SMARCA2: variants seen among roughly 807,000 people sequenced by gnomAD.
SMARCA2 encodes the protein SWI/SNF related BAF chromatin remodeling complex subunit ATPase 2, also known as SWI/SNF-related matrix-associated actin-dependent regulator of chromatin subfamily A member 2.
In SMARCA2, 61 loss-of-function variants were observed where a neutral mutation model predicts 199.8. That is an observed-to-expected ratio of 0.31 (90% confidence interval 0.25 to 0.38). The LOEUF (loss-of-function observed/expected upper bound fraction) is 0.38, where lower values mean the gene tolerates loss of function less well. Ranked by LOEUF, SMARCA2 falls within the 10% of genes least tolerant of loss-of-function variation. SMARCA2 has a pLI of 1.00. For missense variants in SMARCA2, 1,344 were observed against 2,012.2 expected (o/e 0.67, Z 6.35); for synonymous variants, 935 against 732.0 (o/e 1.28, Z -4.48).
At chr9:2,098,234 G>T (rs1822357667) in intron 21 of SMARCA2, among the ~76,000 whole-genome samples, 1 of 152,238 alleles carries the variant, frequency 6.6e-6, no homozygotes, top group Non-Finnish European at 1.5e-5. Context: ...ACTGCAAAAT[G>T]GGCAGGAGAC....
At chr9:2,144,614 C>A (rs1027342620) in intron 27 of SMARCA2, among the ~76,000 whole-genome samples, 2 of 152,306 alleles carry the variant, frequency 1.3e-5, no homozygotes, top group African/African-American at 2.4e-5. Context: ...AGAAAGCACT[C>A]ACCATATGGA....
At chr9:2,028,865 A>G (rs1818943401) in intron 1 of SMARCA2, 122 bp from the exon 2 acceptor site, 2 of 780,678 alleles carry the variant, frequency 2.6e-6, no homozygotes, top group East Asian at 5.3e-5. Context: ...TCTGGACTAG[A>G]CAGGGCAGCT....
intron 29 of SMARCA2, among the ~76,000 whole-genome samples, chr9:2,172,097 C>T (rs1485929824): frequency 6.6e-6 from 1 of 152,156 alleles, no homozygotes; most frequent in Non-Finnish European, 1.5e-5. Flanking sequence ...CTGTCACACA[C>T]ACTTCCTTTT....
Position 2,086,138 on chromosome 9 carries a change from A to G in SMARCA2, c.2527-691A>G, listed in dbSNP as rs550715378. 1 of 152,438 alleles carries G rather than the reference A, an allele frequency of 6.6e-6. No individual in the cohort carries two copies. The highest frequency in any genetic ancestry group is 2.1e-4 in the South Asian group (1 of 4,828). 9.4% of individuals were successfully genotyped at this position (152,438 alleles called of 1,614,324 possible). A position where few individuals can be genotyped will look rare whatever the true frequency, so the allele number is the denominator to read the frequency against. ...TATATTCTTTTATTTTAGATAAAACAGGGGTCCTAGATCTGGCAGGTAAGG... is the reference window on the plus strand; with the variant it reads ...TATATTCTTTTATTTTAGATAAAACGGGGGTCCTAGATCTGGCAGGTAAGG... On this transcript the variant is annotated intron_variant, in intron 17 of 33. Coordinates refer to ENST00000349721, the MANE Select transcript of SMARCA2 (RefSeq NM_003070.5). This position sits in a 1 kb window ranked among gnomAD's most constrained non-coding sequence, Gnocchi z 4.3.
chr9:2,148,585 C>T (rs966061978), intron 27 of SMARCA2, among the ~76,000 whole-genome samples: 3 of 151,424 alleles, frequency 2.0e-5, no homozygotes, highest in Non-Finnish European at 4.4e-5. Context: ...TGGTGTGCTG[C>T]ACCCATTAAC....
In SMARCA2 at chr9:2,110,135, C is replaced by G. The variant is rs956098716; in HGVS notation, c.3293-119C>G. On this transcript the variant is annotated intron_variant, in intron 23 of 33. Transcript: ENST00000349721. The surrounding 1 kb of genome is among the most constrained non-coding windows in gnomAD (Gnocchi z 4.8). Reference sequence around the variant, plus strand: ...AGAAGTACAAAGCCCTGGAAATTACCTCACCAGTGTTAGGAGGAGTCTGGG... The same window carrying G: ...AGAAGTACAAAGCCCTGGAAATTACGTCACCAGTGTTAGGAGGAGTCTGGG... 3 of 630,524 alleles carry G rather than the reference C, an allele frequency of 4.8e-6. No homozygotes were observed. In the African/African-American group the frequency reaches 5.6e-5, roughly 12 times the overall value. The allele number at this position is 630,524 out of a possible 1,614,324, so 39.1% of individuals were successfully genotyped here. A position where few individuals can be genotyped will look rare whatever the true frequency, so the allele number is the denominator to read the frequency against.
rs1262103775 is a variant in SMARCA2, at chr9:2,086,375, C to G, written c.2527-454C>G. On this transcript the variant is annotated intron_variant, in intron 17 of 33. Transcript: ENST00000349721. This position sits in a 1 kb window ranked among gnomAD's most constrained non-coding sequence, Gnocchi z 4.3. ...AAGAATATCTCAGCTGTAGAACCTG[C>G]TAGGGCCATCTTGGAAAAATCAGTC... 6.6e-6 allele frequency among the ~76,000 whole-genome samples: 1 copy of G among 152,188 alleles called. No individual in the cohort carries two copies. The highest frequency in any genetic ancestry group is 1.5e-5 in the Non-Finnish European group (1 of 68,016).
chr9:2,089,318 A>G (rs1050259477), intron 19 of SMARCA2, among the ~76,000 whole-genome samples: 2 of 152,146 alleles, frequency 1.3e-5, no homozygotes, highest in Non-Finnish European at 2.9e-5. Flanking sequence ...AACCATGCAT[A>G]TTTGAATTCT....
rs779583076 is a variant in SMARCA2, at chr9:2,192,703, G to A, written c.4738-1G>A. 1.1e-5 allele frequency: 17 copies of A among 1,603,456 alleles called. No homozygotes were observed. Among genetic ancestry groups the A allele is most frequent in the East Asian group, 2.2e-5 (1 of 44,820 alleles). ...TTTTATCTTCTTATTTTTACTTTTA[G>A]GAACAGTCAGAAGGAAGTGGGACGG... On this transcript the variant is annotated splice_acceptor_variant, in intron 33 of 33. Coordinates refer to ENST00000349721, the MANE Select transcript of SMARCA2 (RefSeq NM_003070.5). LOFTEE classifies it high-confidence loss of function.
rs145095906 is a variant in SMARCA2 at position 2,182,478 on chromosome 9, C to CTTTTT, written c.4461+259_4461+263dup. 1.7e-4 allele frequency among the ~76,000 whole-genome samples: 16 copies of CTTTTT among 96,712 alleles called. 1 individual carries two copies. The highest frequency in any genetic ancestry group is 4.8e-4 in the African/African-American group (13 of 26,964). The allele number at this position is 96,712 out of a possible 152,430, so 63.4% of individuals were successfully genotyped here. ...CACACTTCTTTTCAAAGCTTATAGT[C>CTTTTT]TTTTTTTTTTTTTTTTTTTTTTTTT... On this transcript the variant is annotated intron_variant, in intron 31 of 33. Coordinates refer to ENST00000349721, the MANE Select transcript of SMARCA2 (RefSeq NM_003070.5).
chr9:2,109,293 A>G (rs1822887121), intron 23 of SMARCA2, among the ~76,000 whole-genome samples: 1 of 152,132 alleles, frequency 6.6e-6, no homozygotes, highest in South Asian at 2.1e-4. Context: ...TTCAGCATCT[A>G]AGCTTTTCTG....
chr9:2,019,140 A>G (rs530247902), intron 1 of SMARCA2, among the ~76,000 whole-genome samples: 155 of 122,366 alleles, frequency 1.3e-3, no homozygotes, highest in African/African-American at 3.9e-3. Context: ...GACTGAGGGG[A>G]AAAAAAAAAA....
chr9:2,136,391 T>C (rs753247156), intron 27 of SMARCA2, among the ~76,000 whole-genome samples: 1 of 152,066 alleles, frequency 6.6e-6, no homozygotes, highest in Non-Finnish European at 1.5e-5. Flanking sequence ...TTTTGCCATG[T>C]TGGCCAATCT....
At chr9:2,069,947 C>T (rs55816078) in intron 9 of SMARCA2, among the ~76,000 whole-genome samples, 2 of 152,126 alleles carry the variant, frequency 1.3e-5, no homozygotes, top group East Asian at 3.9e-4. Context: ...CTCCTTCCCC[C>T]CCAGTAGTCC....
chr9:2,116,252 C>T (rs926904609), intron 25 of SMARCA2, among the ~76,000 whole-genome samples: 2 of 152,206 alleles, frequency 1.3e-5, no homozygotes. Flanking sequence ...CTGGAGGAAC[C>T]TCAAGGCTTG....
In SMARCA2 at chr9:2,086,358, C is replaced by T. The variant is rs1411436400; in HGVS notation, c.2527-471C>T. On this transcript the variant is annotated intron_variant, in intron 17 of 33. Transcript: ENST00000349721. This position sits in a 1 kb window ranked among gnomAD's most constrained non-coding sequence, Gnocchi z 4.3. ...AAAGAAGGCATGGAGCCAAGAATATCTCAGCTGTAGAACCTGCTAGGGCCA... is the reference window on the plus strand; with the variant it reads ...AAAGAAGGCATGGAGCCAAGAATATTTCAGCTGTAGAACCTGCTAGGGCCA... Among the ~76,000 whole-genome samples, 1 of 152,204 alleles carries T rather than the reference C, an allele frequency of 6.6e-6. No homozygotes were observed. Among genetic ancestry groups the T allele is most frequent in the Non-Finnish European group, 1.5e-5 (1 of 68,034 alleles).
intron 27 of SMARCA2, among the ~76,000 whole-genome samples, chr9:2,155,985 G>GA (rs1481758259): frequency 2.0e-5 from 3 of 151,902 alleles, no homozygotes; most frequent in African/African-American, 7.2e-5. Context: ...ACAGTCGGAG[G>GA]AAAAAAACTA....
chr9:2,023,282 G>A (rs1818684390), intron 1 of SMARCA2, among the ~76,000 whole-genome samples: 1 of 152,178 alleles, frequency 6.6e-6, no homozygotes, highest in Non-Finnish European at 1.5e-5. Flanking sequence ...TCTGGGCAAG[G>A]ACCATTCCCA....
At chr9:2,137,633 A>G (rs1355043819) in intron 27 of SMARCA2, among the ~76,000 whole-genome samples, 4 of 152,122 alleles carry the variant, frequency 2.6e-5, no homozygotes, top group African/African-American at 7.2e-5. Context: ...TCTTCATGGC[A>G]TTTGCCACTA....
Sources: allele counts gnomAD v4.1 joint callset (sites outside exome capture counted in the v4.1 genomes callset), GRCh38; gene constraint gnomAD v4.1.1; non-coding constraint Gnocchi (gnomAD v3.1); transcripts MANE v1.5; gene names NCBI Gene and HGNC (gene_info 2026-07-23, HGNC 2026-07-21).